SRD5A1: variants seen among roughly 807,000 people sequenced by gnomAD.
The protein encoded by SRD5A1 is steroid 5 alpha-reductase 1.
SRD5A1 carries 22 observed loss-of-function variants against 28.2 expected under a neutral mutation model. The ratio of observed to expected loss-of-function variants is 0.78; its 90% CI spans 0.56 to 1.12. The LOEUF is 1.12. SRD5A1 is among the 50% of genes most tolerant of loss of function. SRD5A1 has a pLI of 0.00. For synonymous variants in SRD5A1, 151 were observed against 135.0 expected (o/e 1.12, Z -0.82); for missense variants, 300 against 346.7 (o/e 0.87, Z 1.07).
At chr5:6,647,534 T>C (rs1738542260) in intron 1 of SRD5A1, among the ~76,000 whole-genome samples, 1 of 152,176 alleles carries the variant, frequency 6.6e-6, no homozygotes, top group Non-Finnish European at 1.5e-5. Context: ...TATGCCCTTC[T>C]TCGTCTCTTT....
intron 4 of SRD5A1, among the ~76,000 whole-genome samples, chr5:6,665,415 A>G (rs1739140193): frequency 6.6e-6 from 1 of 152,242 alleles, no homozygotes; most frequent in Non-Finnish European, 1.5e-5. Context: ...TGACTGGGAA[A>G]GTAAGGGCAG....
Position 6,662,933 on chromosome 5 carries a change from G to GT in SRD5A1, c.686dup (p.Leu229PhefsTer4). 1 of 1,614,112 alleles carries GT rather than the reference G, an allele frequency of 6.2e-7. No individual in the cohort carries two copies. Among genetic ancestry groups the GT allele is most frequent in the Non-Finnish European group, 8.5e-7 (1 of 1,180,020 alleles). Reference sequence around the variant, plus strand: ...GCGGCTTTTGCTTTCTTCACGTTTTGTTTTTTATCTGGTAGAGCAAAAGAG... The same window carrying GT: ...GCGGCTTTTGCTTTCTTCACGTTTTGTTTTTTTATCTGGTAGAGCAAAAGAG... On this transcript the variant is annotated frameshift_variant, in exon 4 of 5. Transcript: ENST00000274192. LOFTEE classifies it high-confidence loss of function.
intron 1 of SRD5A1, among the ~76,000 whole-genome samples, chr5:6,639,879 T>TA (rs1160183622): frequency 1.3e-5 from 2 of 152,384 alleles, no homozygotes; most frequent in East Asian, 3.8e-4. Flanking sequence ...ATCTTAGAGA[T>TA]AAAACTGACG....
chr5:6,662,773 AT>A, intron 3 of SRD5A1, 42 bp from the exon 4 acceptor site: 1 of 1,592,516 alleles, frequency 6.3e-7, no homozygotes, highest in South Asian at 1.1e-5. Flanking sequence ...TCCGTATTTC[AT>A]TTTGTAGTAA....
chr5:6,662,614 C>T (rs1208456895), intron 3 of SRD5A1, among the ~76,000 whole-genome samples: 1 of 152,168 alleles, frequency 6.6e-6, no homozygotes, highest in Admixed American at 6.5e-5. Flanking sequence ...TATTGATATA[C>T]ATATGTAGTT....
At chr5:6,658,661 T>A (rs1738903652) in intron 3 of SRD5A1, among the ~76,000 whole-genome samples, 2 of 152,170 alleles carry the variant, frequency 1.3e-5, no homozygotes, top group African/African-American at 4.8e-5. Context: ...AAGAAAATGC[T>A]TCTAAAATTC....
chr5:6,660,237 C>A (rs1483948015), intron 3 of SRD5A1, among the ~76,000 whole-genome samples: 2 of 152,208 alleles, frequency 1.3e-5, no homozygotes, highest in Non-Finnish European at 2.9e-5. Context: ...CATTTTTTAG[C>A]AGATTGGCAT....
intron 1 of SRD5A1, among the ~76,000 whole-genome samples, chr5:6,641,333 C>T (rs1366066701): frequency 2.6e-5 from 4 of 152,130 alleles, no homozygotes; most frequent in African/African-American, 4.8e-5. Flanking sequence ...AAATCTTCAC[C>T]GACAACAATG....
At chr5:6,660,500 A>G (rs1227788841) in intron 3 of SRD5A1, among the ~76,000 whole-genome samples, 2 of 152,254 alleles carry the variant, frequency 1.3e-5, no homozygotes, top group African/African-American at 4.8e-5. Flanking sequence ...GATCATGATT[A>G]ACGTAATCTT....
At chr5:6,659,314 C>T (rs967586044) in intron 3 of SRD5A1, among the ~76,000 whole-genome samples, 50 of 152,004 alleles carry the variant, frequency 3.3e-4, no homozygotes, top group Middle Eastern at 3.4e-3. Context: ...GGGGTTTCAC[C>T]GTGTTAGCCA....
intron 2 of SRD5A1, among the ~76,000 whole-genome samples, chr5:6,653,031 A>C (rs1174323437): frequency 6.6e-6 from 1 of 152,216 alleles, no homozygotes; most frequent in Non-Finnish European, 1.5e-5. Context: ...TCAGATTTGC[A>C]AACTACCCTG....
intron 1 of SRD5A1, chr5:6,644,861 A>G (rs1738463304): frequency 4.4e-6 from 2 of 455,964 alleles, no homozygotes; most frequent in African/African-American, 2.0e-5. Flanking sequence ...ATGCCAGCCC[A>G]TGGTACCCAT....
intron 1 of SRD5A1, among the ~76,000 whole-genome samples, chr5:6,637,152 G>A (rs8192143): frequency 2.2e-4 from 33 of 152,254 alleles, no homozygotes; most frequent in Admixed American, 5.9e-4. Context: ...ATGGAGTGGC[G>A]TCTGGCATGG....
intron 3 of SRD5A1, among the ~76,000 whole-genome samples, chr5:6,662,295 C>CA (rs1361718426): frequency 6.6e-6 from 1 of 152,250 alleles, no homozygotes; most frequent in Non-Finnish European, 1.5e-5. Flanking sequence ...CCTCCCCCTC[C>CA]ATGAGCTGTG....
intron 3 of SRD5A1, among the ~76,000 whole-genome samples, chr5:6,660,094 G>C (rs1003894039): frequency 6.6e-6 from 1 of 152,214 alleles, no homozygotes; most frequent in African/African-American, 2.4e-5. Flanking sequence ...AAAGAGAGGT[G>C]CACAGGTGTG....
intron 1 of SRD5A1, among the ~76,000 whole-genome samples, chr5:6,649,554 G>A (rs1010854750): frequency 4.6e-5 from 7 of 152,222 alleles, no homozygotes; most frequent in African/African-American, 1.4e-4. Context: ...CCATCGGCAT[G>A]GGACCCACTG....
intron 1 of SRD5A1, among the ~76,000 whole-genome samples, chr5:6,643,035 G>GTT (rs35377021): frequency 0.049 from 7,285 of 149,614 alleles, 332 homozygotes; most frequent in African/African-American, 0.11. Context: ...TTTGTAATTT[G>GTT]TTTTTTTTTT....
At chr5:6,651,080 G>C (rs562848313) in intron 1 of SRD5A1, among the ~76,000 whole-genome samples, 1 of 152,156 alleles carries the variant, frequency 6.6e-6, no homozygotes, top group East Asian at 1.9e-4. Context: ...GCTGAGCTGG[G>C]GGCAAGGAGT....
chr5:6,665,550 G>C (rs537591786), intron 4 of SRD5A1, among the ~76,000 whole-genome samples: 1 of 152,044 alleles, frequency 6.6e-6, no homozygotes, highest in African/African-American at 2.4e-5. Flanking sequence ...TCCCCTCTGC[G>C]CCCGCTGCTC....
Sources: gnomAD v4.1 joint callset for allele counts (sites outside exome capture counted in the v4.1 genomes callset) on GRCh38, gnomAD v4.1.1 for gene constraint, MANE v1.5 for transcripts, NCBI Gene and HGNC (gene_info 2026-07-23, HGNC 2026-07-21) for gene names.